The following NFATC2 variants were observed in gnomAD, a reference collection of about 807,000 sequenced individuals.
The protein encoded by NFATC2 is nuclear factor of activated T cells 2, also known as nuclear factor of activated T-cells, cytoplasmic 2.
In NFATC2, 22 loss-of-function variants were observed where a neutral mutation model predicts 87.3. That is an observed-to-expected ratio of 0.25 (90% CI 0.18 to 0.36). The LOEUF (loss-of-function observed/expected upper bound fraction) is 0.36, where lower values mean the gene tolerates loss of function less well. NFATC2 is among the 10% of genes least tolerant of loss of function. The pLI is 1.00. For missense variants in NFATC2, 1,149 were observed against 1,259.1 expected (o/e 0.91, Z 1.32); for synonymous variants, 565 against 542.2 (o/e 1.04, Z -0.58).
intron 3 of NFATC2, among the ~76,000 whole-genome samples, chr20:51,497,296 C>T (rs141502643): frequency 6.6e-6 from 1 of 152,190 alleles, no homozygotes; most frequent in African/African-American, 2.4e-5. Flanking sequence ...TCATTCTTCT[C>T]CCTCCCGCAG....
At position 51,454,706 on chromosome 20, in the gene NFATC2, AGAAGTCAC is replaced by A; in HGVS notation, c.1709-26_1709-19del. On this transcript the variant is annotated intron_variant, in intron 5 of 10. Transcript: ENST00000371564. ...TCGCTGGGCTGCAGGCAAAAGAGAG[AGAAGTCAC>A]TGTGATAAGGGGAGATGTCTGTTCA... is the stretch of plus-strand genomic sequence containing the variant. 1 of 1,613,508 alleles carries A rather than the reference AGAAGTCAC, an allele frequency of 6.2e-7. No homozygotes were observed. Among genetic ancestry groups the A allele is most frequent in the Non-Finnish European group, 8.5e-7 (1 of 1,179,810 alleles).
chr20:51,438,284 T>C (rs1444848535), intron 6 of NFATC2, among the ~76,000 whole-genome samples: 1 of 152,138 alleles, frequency 6.6e-6, no homozygotes, highest in East Asian at 1.9e-4. Context: ...CAAAGTGAGC[T>C]TGAAGCCTGA....
At chr20:51,472,629 C>CTTTTTTTTTTTTTTTTTTTTTTT (rs1223762055) in intron 5 of NFATC2, among the ~76,000 whole-genome samples, 1 of 92,734 alleles carries the variant, frequency 1.1e-5, no homozygotes, top group Non-Finnish European at 2.0e-5. Flanking sequence ...CTTCTTTCTT[C>CTTTTTTTTTTTTTTTTTTTTTTT]TTTTTTTTTT....
chr20:51,442,386 C>G (rs922281513), intron 6 of NFATC2, among the ~76,000 whole-genome samples: 2 of 152,050 alleles, frequency 1.3e-5, no homozygotes, highest in Admixed American at 6.6e-5. Context: ...AAGCTGAGAT[C>G]GCACCACTGC....
chr20:51,422,174 C>T (rs1981021702), intron 9 of NFATC2, among the ~76,000 whole-genome samples: 1 of 152,166 alleles, frequency 6.6e-6, no homozygotes, highest in Admixed American at 6.5e-5. Flanking sequence ...GTCCAAACTG[C>T]TCGCAACAGA....
chr20:51,558,194 T>A (rs908626653), intron 1 of NFATC2, among the ~76,000 whole-genome samples: 3 of 152,054 alleles, frequency 2.0e-5, no homozygotes, highest in Non-Finnish European at 4.4e-5. Context: ...TTTAAAAAGT[T>A]AGCCAGGTAT....
chr20:51,470,535 A>T (rs780350501), intron 5 of NFATC2, among the ~76,000 whole-genome samples: 32 of 152,320 alleles, frequency 2.1e-4, no homozygotes, highest in African/African-American at 3.4e-4. Flanking sequence ...TTGATCCCTA[A>T]GACAGTACAT....
At chr20:51,436,411 A>ATTTT (rs1452457274) in intron 6 of NFATC2, among the ~76,000 whole-genome samples, 1 of 65,288 alleles carries the variant, frequency 1.5e-5, no homozygotes. Flanking sequence ...TTTTTTTTTA[A>ATTTT]AAAGGCATTA....
chr20:51,506,510 A>T (rs1211626522), intron 3 of NFATC2, among the ~76,000 whole-genome samples: 2 of 36,548 alleles, frequency 5.5e-5, no homozygotes, highest in Non-Finnish European at 6.0e-5. Context: ...ACCCAGCCCC[A>T]CCTCCCCACA....
At chr20:51,530,491 AG>A (rs1277274929) in intron 1 of NFATC2, among the ~76,000 whole-genome samples, 4 of 152,154 alleles carry the variant, frequency 2.6e-5, no homozygotes, top group African/African-American at 4.8e-5. Flanking sequence ...CCTTCTGACT[AG>A]TTCAAAGAGA....
chr20:51,449,769 TCA>T (rs1437401602), intron 6 of NFATC2, among the ~76,000 whole-genome samples: 1 of 152,206 alleles, frequency 6.6e-6, no homozygotes, highest in Non-Finnish European at 1.5e-5. Flanking sequence ...TTCTCTGTGC[TCA>T]GTTTCTCACC....
At chr20:51,416,927 C>G (rs1980120533) in intron 9 of NFATC2, among the ~76,000 whole-genome samples, 1 of 152,152 alleles carries the variant, frequency 6.6e-6, no homozygotes, top group African/African-American at 2.4e-5. Flanking sequence ...AGGGAATCCA[C>G]ATGGAGGGCC....
chr20:51,518,706 G>A (rs375289866), intron 2 of NFATC2, among the ~76,000 whole-genome samples: 146 of 152,302 alleles, frequency 9.6e-4, no homozygotes, highest in African/African-American at 3.0e-3. Flanking sequence ...ATGAAATAGA[G>A]TTGACTTTAA....
intron 5 of NFATC2, among the ~76,000 whole-genome samples, chr20:51,465,996 A>G (rs781009562): frequency 6.6e-6 from 1 of 152,142 alleles, no homozygotes; most frequent in Non-Finnish European, 1.5e-5. Flanking sequence ...GCTGAACAAG[A>G]TGAGCATTTC....
intron 3 of NFATC2, among the ~76,000 whole-genome samples, chr20:51,488,955 A>C (rs188689258): frequency 4.1e-4 from 62 of 152,354 alleles, no homozygotes; most frequent in African/African-American, 1.5e-3. Flanking sequence ...TTGGGAGGCC[A>C]AGGCAGGCGG....
chr20:51,472,068 C>G (rs1297330558), intron 5 of NFATC2, among the ~76,000 whole-genome samples: 1 of 152,178 alleles, frequency 6.6e-6, no homozygotes, highest in East Asian at 1.9e-4. Context: ...GCCTGGCCAA[C>G]ATGGCGAAAC....
rs1986191874 is a variant in NFATC2, at chr20:51,390,420, T to C, written c.*1076A>G. 6.6e-6 allele frequency: 1 copy of C among 152,242 alleles called. No individual in the cohort carries two copies. The highest frequency in any genetic ancestry group is 2.4e-5 in the African/African-American group (1 of 41,464). 9.4% of individuals were successfully genotyped at this position (152,242 alleles called of 1,614,324 possible). A position where few individuals can be genotyped will look rare whatever the true frequency, so the allele number is the denominator to read the frequency against. On this transcript the variant is annotated 3_prime_UTR_variant, in exon 11 of 11. Transcript: ENST00000371564. ...CCCACACTTCTTTTCTTGGTTGCTTTAGCCCTTCTGCTATTCCTCAATTAA... is the reference window on the plus strand; with the variant it reads ...CCCACACTTCTTTTCTTGGTTGCTTCAGCCCTTCTGCTATTCCTCAATTAA...
At chr20:51,468,143 C>T (rs929537137) in intron 5 of NFATC2, among the ~76,000 whole-genome samples, 9 of 152,140 alleles carry the variant, frequency 5.9e-5, no homozygotes, top group Admixed American at 6.6e-5. Context: ...ATCAGAACAG[C>T]GCTGCCTCCG....
chr20:51,504,968 A>G (rs1249272317), intron 3 of NFATC2, among the ~76,000 whole-genome samples: 1 of 141,198 alleles, frequency 7.1e-6, no homozygotes, highest in African/African-American at 2.7e-5. Flanking sequence ...AGAGTAGTTC[A>G]CTCCAGGTCA....
Sources: gnomAD v4.1 joint callset for allele counts (sites outside exome capture counted in the v4.1 genomes callset) on GRCh38, gnomAD v4.1.1 for gene constraint, MANE v1.5 for transcripts, NCBI Gene and HGNC (gene_info 2026-07-23, HGNC 2026-07-21) for gene names.